The following TOMM7 variants were observed in gnomAD, a reference collection of about 807,000 sequenced individuals.
TOMM7 encodes the protein translocase of outer mitochondrial membrane 7.
TOMM7 carries 8 observed loss-of-function variants against 9.5 expected under a neutral mutation model. The observed-to-expected ratio is 0.84, with a 90% CI of 0.49 to 1.51. The LOEUF (loss-of-function observed/expected upper bound fraction) is 1.51, where lower values mean the gene tolerates loss of function less well. TOMM7 is among the 40% of genes most tolerant of loss of function. The probability of loss-of-function intolerance (pLI) is 0.00; values close to 1 mark genes in which losing one functional copy is unlikely to be tolerated. For missense variants in TOMM7, 74 were observed against 63.7 expected (o/e 1.16, Z -0.55); for synonymous variants, 27 against 21.4 (o/e 1.26, Z -0.72).
chr7:22,816,610 T>C (rs754595194), intron 2 of TOMM7, among the ~76,000 whole-genome samples: 31 of 152,340 alleles, frequency 2.0e-4, no homozygotes, highest in Non-Finnish European at 2.6e-4. Flanking sequence ...AAAAACTTTA[T>C]CAGGGAAAAC....
chr7:22,821,436 A>G, intron 1 of TOMM7, among the ~76,000 whole-genome samples: 1 of 148,346 alleles, frequency 6.7e-6, no homozygotes. Flanking sequence ...AAAAGAAAAA[A>G]CTACAGCCTG....
At chr7:22,820,108 G>C (rs1157193148) in intron 1 of TOMM7, among the ~76,000 whole-genome samples, 2 of 152,172 alleles carry the variant, frequency 1.3e-5, no homozygotes, top group Admixed American at 1.3e-4. Flanking sequence ...GGCCAAGATC[G>C]AAGATCACTT....
In TOMM7 at chr7:22,820,831, T is replaced by G. The variant is rs543581313; in HGVS notation, c.103+1846A>C. Among the ~76,000 whole-genome samples, 140 of 152,276 alleles carry G rather than the reference T, an allele frequency of 9.2e-4. 1 individual carries two copies. The highest frequency in any genetic ancestry group is 3.3e-3 in the African/African-American group (139 of 41,556). ...TTTTTTTAAAAAATTGCACCCAGAATAAGGGAGAAAAACGTCTTTTTAAGT... is the reference window on the plus strand; with the variant it reads ...TTTTTTTAAAAAATTGCACCCAGAAGAAGGGAGAAAAACGTCTTTTTAAGT... On this transcript the variant is annotated intron_variant, in intron 1 of 2. Transcript: ENST00000358435.
At chr7:22,822,329 GA>G in intron 1 of TOMM7, 1 of 1,494,298 alleles carries the variant, frequency 6.7e-7, no homozygotes, top group Non-Finnish European at 9.0e-7. Context: ...GAGCGGTGAG[GA>G]AAAACACCCC....
intron 2 of TOMM7, among the ~76,000 whole-genome samples, chr7:22,814,532 G>A (rs55675566): frequency 3.8e-4 from 57 of 151,794 alleles, no homozygotes; most frequent in Non-Finnish European, 6.6e-4. Flanking sequence ...GATCTATGAA[G>A]GTCTCTTCTT....
chr7:22,822,211 A>T, intron 1 of TOMM7: 1 of 1,550,992 alleles, frequency 6.4e-7, no homozygotes, highest in Non-Finnish European at 8.7e-7. Context: ...CAGGTAAGAA[A>T]GCAGAGGCAT....
At chr7:22,820,888 A>G (rs186047372) in intron 1 of TOMM7, among the ~76,000 whole-genome samples, 53 of 152,330 alleles carry the variant, frequency 3.5e-4, no homozygotes, top group African/African-American at 1.0e-3. Context: ...TTGGCTTGCA[A>G]CTCATGGAGA....
At chr7:22,820,905 A>G (rs1203721613) in intron 1 of TOMM7, among the ~76,000 whole-genome samples, 1 of 152,178 alleles carries the variant, frequency 6.6e-6, no homozygotes, top group Non-Finnish European at 1.5e-5. Flanking sequence ...GAGAAATAGA[A>G]ACCACAGCTG....
chr7:22,822,462 G>A lies in TOMM7; in HGVS notation c.103+215C>T, dbSNP rs1782406639. 3 of 714,994 alleles carry A rather than the reference G, an allele frequency of 4.2e-6. No homozygotes were observed. The East Asian group carries it at 8.1e-5, about 19-fold the overall frequency. 44.3% of individuals were successfully genotyped at this position (714,994 alleles called of 1,614,324 possible). A position where few individuals can be genotyped will look rare whatever the true frequency, so the allele number is the denominator to read the frequency against. On this transcript the variant is annotated intron_variant, in intron 1 of 2. Transcript: ENST00000358435. ...TAAGGATGCAAAAATAGAAAAGGAG[G>A]GATTGCAAGACTGCTTAAAGACCAT...
chr7:22,817,750 C>T (rs986312871), intron 2 of TOMM7: 6 of 397,338 alleles, frequency 1.5e-5, no homozygotes, highest in African/African-American at 6.2e-5. Context: ...TAAAACAGTT[C>T]GTATTTTAAA....
intron 1 of TOMM7, among the ~76,000 whole-genome samples, chr7:22,820,839 A>G (rs1016321175): frequency 6.6e-6 from 1 of 152,214 alleles, no homozygotes; most frequent in Non-Finnish European, 1.5e-5. Context: ...AATAAGGGAG[A>G]AAAACGTCTT....
At chr7:22,820,966 T>C (rs17147328) in intron 1 of TOMM7, among the ~76,000 whole-genome samples, 8,705 of 152,200 alleles carry the variant, frequency 0.057, 799 homozygotes, top group African/African-American at 0.2. Flanking sequence ...CTAAATTAAA[T>C]AGGAAGCAGC....
intron 1 of TOMM7, among the ~76,000 whole-genome samples, chr7:22,818,507 C>G (rs1428827811): frequency 1.3e-5 from 2 of 152,186 alleles, no homozygotes; most frequent in Non-Finnish European, 2.9e-5. Context: ...TCTCAAACTC[C>G]TGACCTCAAA....
chr7:22,822,805 G>A lies in TOMM7; in HGVS notation c.-26C>T. On this transcript the variant is annotated 5_prime_UTR_variant, in exon 1 of 3. Coordinates refer to ENST00000358435, the MANE Select transcript of TOMM7 (RefSeq NM_019059.5). Reference sequence around the variant, plus strand: ...GGCGACGGCCGTGTGGCGCAGGGAGGACCCCTTACAGCAACCACAGCGTCG... The same window carrying A: ...GGCGACGGCCGTGTGGCGCAGGGAGAACCCCTTACAGCAACCACAGCGTCG... The A allele has an allele frequency of 1.9e-6, 3 of 1,587,004 alleles. No individual in the cohort carries two copies. The highest frequency in any genetic ancestry group is 2.6e-6 in the Non-Finnish European group (3 of 1,155,392).
intron 2 of TOMM7, among the ~76,000 whole-genome samples, chr7:22,815,830 A>G (rs958124564): frequency 3.3e-5 from 5 of 151,992 alleles, no homozygotes; most frequent in Non-Finnish European, 7.4e-5. Flanking sequence ...AATTAAAAAA[A>G]AAAAAAGAAA....
At chr7:22,816,993 A>G (rs534794497) in intron 2 of TOMM7, among the ~76,000 whole-genome samples, 21 of 152,330 alleles carry the variant, frequency 1.4e-4, no homozygotes, top group African/African-American at 5.1e-4. Context: ...GCTTCGAGTA[A>G]AAGTTCGAAG....
chr7:22,817,920 C>G, intron 2 of TOMM7, 80 bp downstream of exon 2: 1 of 1,392,704 alleles, frequency 7.2e-7, no homozygotes, highest in Non-Finnish European at 1.0e-6. Context: ...AGGCCTGCCA[C>G]TATTACTCTT....
intron 2 of TOMM7, among the ~76,000 whole-genome samples, chr7:22,815,603 A>G (rs1782307590): frequency 6.6e-6 from 1 of 152,182 alleles, no homozygotes; most frequent in Non-Finnish European, 1.5e-5. Context: ...TAGTTAATTC[A>G]ATGCTTGTTG....
intron 2 of TOMM7, among the ~76,000 whole-genome samples, chr7:22,814,272 C>A (rs887773799): frequency 6.6e-6 from 1 of 150,756 alleles, no homozygotes; most frequent in East Asian, 1.9e-4. Context: ...ATCGCTTGAA[C>A]CTGGGAGGCG....
Sources: allele counts gnomAD v4.1 joint callset (sites outside exome capture counted in the v4.1 genomes callset), GRCh38; gene constraint gnomAD v4.1.1; transcripts MANE v1.5; gene names NCBI Gene and HGNC (gene_info 2026-07-23, HGNC 2026-07-21).